ELF1: variants seen among roughly 807,000 people sequenced by gnomAD.
ELF1 encodes the protein ETS-related transcription factor Elf-1.
ELF1 carries 24 observed loss-of-function variants against 59.9 expected under a neutral mutation model. That is an observed-to-expected ratio of 0.40 (90% CI 0.29 to 0.56). ELF1 has a LOEUF of 0.56. Among genes scored for constraint, ELF1 ranks in the 20% least tolerant of loss-of-function variants. The probability of loss-of-function intolerance (pLI) is 0.44; values close to 1 mark genes in which losing one functional copy is unlikely to be tolerated. For synonymous variants in ELF1, 248 were observed against 266.2 expected (o/e 0.93, Z 0.67); for missense variants, 627 against 742.2 (o/e 0.84, Z 1.80).
chr13:40,994,652 GAAAT>G lies in ELF1; in HGVS notation c.-228-12374_-228-12371del, dbSNP rs535895716. Among the ~76,000 whole-genome samples the G allele has an allele frequency of 2.6e-3, 390 of 152,142 alleles. 2 individuals carry two copies. Among genetic ancestry groups the G allele is most frequent in the Non-Finnish European group, 4.5e-3 (305 of 67,972 alleles). ...AGCAAGACTCAGTCTCAAAAAGAAA[GAAAT>G]AAACAAGCGAAATATCTAACAGTTA... On this transcript the variant is annotated intron_variant, in intron 1 of 8. Coordinates refer to ENST00000239882, the MANE Select transcript of ELF1 (RefSeq NM_172373.4).
intron 2 of ELF1, among the ~76,000 whole-genome samples, chr13:40,973,032 T>C (rs1310033043): frequency 6.6e-6 from 1 of 152,188 alleles, no homozygotes; most frequent in Non-Finnish European, 1.5e-5. Flanking sequence ...TGGAATTTTG[T>C]TCTAAAAGTT....
rs145344365 is a variant in ELF1, at chr13:40,949,074, T to C, written c.529+732A>G. On this transcript the variant is annotated intron_variant, in intron 5 of 8. Coordinates refer to ENST00000239882, the MANE Select transcript of ELF1 (RefSeq NM_172373.4). ...GGTCTCAGCTCACTGTAACCTCCAC[T>C]TCCTGGGTTCAAGTGATTCTCCTGC... Among the ~76,000 whole-genome samples, 624 of 152,166 alleles carry C rather than the reference T, an allele frequency of 4.1e-3. 2 individuals are homozygous for C. The highest frequency in any genetic ancestry group is 0.014 in the Admixed American group (214 of 15,284).
chr13:40,986,937 C>CCCTT (rs1555276216), intron 1 of ELF1, among the ~76,000 whole-genome samples: 3 of 126,852 alleles, frequency 2.4e-5, no homozygotes, highest in Non-Finnish European at 3.2e-5. Flanking sequence ...AATCATTGCT[C>CCCTT]TTTTTTTTTT....
At chr13:40,935,107 T>G (rs1207209280) in intron 8 of ELF1, among the ~76,000 whole-genome samples, 1 of 152,240 alleles carries the variant, frequency 6.6e-6, no homozygotes, top group Non-Finnish European at 1.5e-5. Context: ...CTAGTTTATG[T>G]AGGTTGTTAA....
At chr13:41,004,503 T>C (rs1874634931) in intron 1 of ELF1, among the ~76,000 whole-genome samples, 2 of 152,230 alleles carry the variant, frequency 1.3e-5, no homozygotes, top group East Asian at 1.9e-4. Context: ...TGCATTCAAG[T>C]TGTAGTTGAA....
intron 8 of ELF1, among the ~76,000 whole-genome samples, chr13:40,937,237 T>C (rs1869842369): frequency 6.6e-6 from 1 of 152,194 alleles, no homozygotes; most frequent in Admixed American, 6.5e-5. Flanking sequence ...CCTAAGCTGC[T>C]TGTAAACAAC....
At chr13:41,007,434 CA>C (rs1874818884) in intron 1 of ELF1, among the ~76,000 whole-genome samples, 1 of 152,066 alleles carries the variant, frequency 6.6e-6, no homozygotes, top group South Asian at 2.1e-4. Context: ...TATTAAGTAT[CA>C]AAAAATGATT....
chr13:41,053,608 C>T (rs1399741629), intron 1 of ELF1, among the ~76,000 whole-genome samples: 1 of 152,118 alleles, frequency 6.6e-6, no homozygotes, highest in African/African-American at 2.4e-5. Flanking sequence ...AATGGCTACC[C>T]CACCCCTTCT....
At chr13:40,948,592 G>A (rs1870649128) in intron 5 of ELF1, among the ~76,000 whole-genome samples, 2 of 152,286 alleles carry the variant, frequency 1.3e-5, no homozygotes, top group South Asian at 2.1e-4. Context: ...TGGGTGGGTG[G>A]TGATGCTATT....
intron 1 of ELF1, among the ~76,000 whole-genome samples, chr13:41,030,461 G>C (rs73176940): frequency 1.3e-5 from 2 of 152,210 alleles, no homozygotes; most frequent in Non-Finnish European, 2.9e-5. Flanking sequence ...AGTAATTTTG[G>C]GTCAGGTGTG....
At chr13:40,961,784 G>C (rs528439532) in intron 2 of ELF1, among the ~76,000 whole-genome samples, 1 of 152,248 alleles carries the variant, frequency 6.6e-6, no homozygotes, top group East Asian at 1.9e-4. Flanking sequence ...GCTTAGTCCA[G>C]AATTAAGCAC....
intron 2 of ELF1, among the ~76,000 whole-genome samples, chr13:40,971,882 G>A (rs756659624): frequency 1.1e-4 from 17 of 151,970 alleles, no homozygotes; most frequent in Non-Finnish European, 2.2e-4. Flanking sequence ...TAGTATTGGT[G>A]GGTTGTGTAT....
At chr13:41,021,977 T>C (rs937007816), upstream of ELF1, among the ~76,000 whole-genome samples, 1 of 152,210 alleles carries the variant, frequency 6.6e-6, no homozygotes, top group Non-Finnish European at 1.5e-5. Context: ...TGCAAAAGTT[T>C]AGCCACTTCG....
rs78988830 is a variant in ELF1 at position 40,954,086 on chromosome 13, C to T, written c.254-2650G>A. 5.4e-3 allele frequency among the ~76,000 whole-genome samples: 818 copies of T among 152,296 alleles called. 2 individuals are homozygous for T. Among genetic ancestry groups the T allele is most frequent in the Non-Finnish European group, 8.0e-3 (543 of 68,022 alleles). Reference sequence around the variant, plus strand: ...GCATAGTGGTGTTTATTCTGTTACACATACAGATCAGACAGCAATGAATAG... The same window carrying T: ...GCATAGTGGTGTTTATTCTGTTACATATACAGATCAGACAGCAATGAATAG... On this transcript the variant is annotated intron_variant, in intron 3 of 8. Transcript: ENST00000239882.
Position 40,943,147 on chromosome 13 carries a change from G to T in ELF1, c.614-3C>A. The T allele has an allele frequency of 1.3e-6, 2 of 1,485,446 alleles. No individual in the cohort carries two copies. Among genetic ancestry groups the T allele is most frequent in the Non-Finnish European group, 1.8e-6 (2 of 1,108,792 alleles). 92.0% of individuals were successfully genotyped at this position (1,485,446 alleles called of 1,614,324 possible). A position where few individuals can be genotyped will look rare whatever the true frequency, so the allele number is the denominator to read the frequency against. On this transcript the variant is annotated splice_region_variant and splice_polypyrimidine_tract_variant and intron_variant, in intron 6 of 8. Coordinates refer to ENST00000239882, the MANE Select transcript of ELF1 (RefSeq NM_172373.4). The stretch of plus-strand genomic sequence containing the variant: ...CTCCCAAAGATAAATTGTGTTTCCT[G>T]AAACAAAAACAATTTCTTTCTAAAT...
intron 2 of ELF1, among the ~76,000 whole-genome samples, chr13:40,976,468 T>C (rs150740282): frequency 4.5e-4 from 69 of 152,366 alleles, no homozygotes; most frequent in African/African-American, 1.7e-3. Flanking sequence ...TTACATTGAA[T>C]AGTGTTTCCC....
At chr13:40,987,689 CT>C (rs1017268074) in intron 1 of ELF1, among the ~76,000 whole-genome samples, 2 of 151,734 alleles carry the variant, frequency 1.3e-5, no homozygotes, top group African/African-American at 4.8e-5. Flanking sequence ...AATATACCAG[CT>C]TAAAGCAATG....
At chr13:40,991,330 C>CA (rs1873842127) in intron 1 of ELF1, among the ~76,000 whole-genome samples, 1 of 152,132 alleles carries the variant, frequency 6.6e-6, no homozygotes, top group African/African-American at 2.4e-5. Flanking sequence ...ACAGATGTCC[C>CA]ATAGGTCTGT....
chr13:41,007,726 T>A (rs1200576600), intron 1 of ELF1, among the ~76,000 whole-genome samples: 1 of 152,222 alleles, frequency 6.6e-6, no homozygotes, highest in Non-Finnish European at 1.5e-5. Context: ...TTCTTCCATA[T>A]AACATTTATT....
Sources: allele counts gnomAD v4.1 joint callset (sites outside exome capture counted in the v4.1 genomes callset), GRCh38; gene constraint gnomAD v4.1.1; transcripts MANE v1.5; gene names NCBI Gene and HGNC (gene_info 2026-07-23, HGNC 2026-07-21).